ZNF296: variants seen among roughly 807,000 people sequenced by gnomAD.
ZNF296 encodes the protein zinc finger protein 342.
Under a neutral mutation model 13.2 loss-of-function variants are expected in ZNF296, and 1 was observed. The observed-to-expected ratio is 0.08, with a 90% confidence interval of 0.03 to 0.36. The LOEUF (loss-of-function observed/expected upper bound fraction) is 0.36, where lower values mean the gene tolerates loss of function less well. Among genes scored for constraint, ZNF296 ranks in the 10% least tolerant of loss-of-function variants. ZNF296 has a pLI of 0.99. For missense variants in ZNF296, 555 were observed against 688.2 expected (o/e 0.81, Z 2.16); for synonymous variants, 303 against 289.0 (o/e 1.05, Z -0.49).
chr19:45,073,011 C>T (rs1017508971), intron 2 of ZNF296, among the ~76,000 whole-genome samples: 1 of 152,178 alleles, frequency 6.6e-6, no homozygotes, highest in African/African-American at 2.4e-5. Context: ...CTCGGCCTCC[C>T]AAAGTGCTGG....
At chr19:45,074,409 A>C (rs1449305861) in intron 2 of ZNF296, among the ~76,000 whole-genome samples, 1 of 152,194 alleles carries the variant, frequency 6.6e-6, no homozygotes, top group African/African-American at 2.4e-5. Context: ...CCTAGTAAAG[A>C]GGTGGTAGTG....
intron 2 of ZNF296, 107 bp from the exon 3 acceptor site, chr19:45,072,687 C>A: frequency 7.3e-7 from 1 of 1,371,496 alleles, no homozygotes; most frequent in Non-Finnish European, 9.8e-7. Context: ...TAACAAGACA[C>A]ACACACCCTG....
In ZNF296 at chr19:45,076,263, C is replaced by A; in HGVS notation, c.111G>T (p.Glu37Asp). The A allele has an allele frequency of 6.7e-7, 1 of 1,499,230 alleles. No homozygotes were observed. The highest frequency in any genetic ancestry group is 8.9e-7 in the Non-Finnish European group (1 of 1,127,872). The allele number at this position is 1,499,230 out of a possible 1,614,324, so 92.9% of individuals were successfully genotyped here. A position where few individuals can be genotyped will look rare whatever the true frequency, so the allele number is the denominator to read the frequency against. The change falls in exon 1 of 3, where the codon GAG (glutamate) becomes GAT (aspartate). Residue 37 changes from glutamate (E) to aspartate (D), a missense_variant. Transcript: ENST00000303809. This position sits in a 1 kb window ranked among gnomAD's most constrained non-coding sequence, Gnocchi z 4.9. ...GGGCCTGTTGGGGCTGCGCGTCTGG[C>A]TCGGGCTTGAGTTCGATGACGAGGT... ...MQDLVIELKP[E>D]PDAQPQQAPR...
rs997193844 is a variant in ZNF296 at position 45,072,497 on chromosome 19, A to G, written c.532T>C (p.Trp178Arg). 5.6e-6 allele frequency: 9 copies of G among 1,613,572 alleles called. No individual in the cohort carries two copies. Among genetic ancestry groups the G allele is most frequent in the South Asian group, 1.1e-5 (1 of 91,092 alleles). ...VAWKLLRHAQWDHGLSIYQTE... is the reference protein window; with the variant it reads ...VAWKLLRHAQRDHGLSIYQTE... The stretch of plus-strand genomic sequence containing the variant: ...TGGTAGATGGACAGTCCGTGGTCCC[A>G]CTGGGCGTGACGCAGCAGCTTCCAG... The change falls in exon 3 of 3, where the codon TGG becomes CGG. Residue 178 changes from tryptophan to arginine, a missense_variant. Coordinates refer to ENST00000303809, the MANE Select transcript of ZNF296 (RefSeq NM_145288.3).
rs773089375 is a variant in ZNF296, at chr19:45,072,443, GCGGGGCCTC to G, written c.577_585del (p.Glu193_Pro195del). ...GCAGCCACCTCGGCCAGGCCCAGGA[GCGGGGCCTC>G]CGGGGCCTCTGATTCTGTCTGGTAG... is the stretch of plus-strand genomic sequence containing the variant. On this transcript the variant is annotated inframe_deletion, in exon 3 of 3. Coordinates refer to ENST00000303809, the MANE Select transcript of ZNF296 (RefSeq NM_145288.3). The G allele has an allele frequency of 5.0e-6, 8 of 1,612,830 alleles. No individual in the cohort carries two copies. The highest frequency in any genetic ancestry group is 4.4e-5 in the South Asian group (4 of 91,090).
chr19:45,075,678 A>G (rs1409755618), intron 2 of ZNF296, 35 bp downstream of exon 2: 2 of 1,606,338 alleles, frequency 1.2e-6, no homozygotes, highest in Non-Finnish European at 8.5e-7. Context: ...CCAGCCCTCG[A>G]ACTTGAGAGG....
chr19:45,073,542 A>G (rs572213693), intron 2 of ZNF296, among the ~76,000 whole-genome samples: 70 of 149,248 alleles, frequency 4.7e-4, no homozygotes, highest in Admixed American at 1.8e-3. Flanking sequence ...CGATCTCCTG[A>G]CCTCATGATC....
At chr19:45,072,640 G>A in intron 2 of ZNF296, 60 bp from the exon 3 acceptor site, 1 of 1,524,660 alleles carries the variant, frequency 6.6e-7, no homozygotes, top group South Asian at 1.3e-5. Flanking sequence ...CACCTTCTGT[G>A]GGATAGGCAC....
Position 45,072,302 on chromosome 19 carries a change from A to G in ZNF296, c.727T>C (p.Phe243Leu). 1 of 1,613,452 alleles carries G rather than the reference A, an allele frequency of 6.2e-7. No individual in the cohort carries two copies. Among genetic ancestry groups the G allele is most frequent in the South Asian group, 1.1e-5 (1 of 91,086 alleles). Residue 243 changes from phenylalanine (F) to leucine (L), a missense_variant, in exon 3 of 3, where the codon TTC becomes CTC. Phe to Leu is a conservative substitution (Grantham distance 22). Coordinates refer to ENST00000303809, the MANE Select transcript of ZNF296 (RefSeq NM_145288.3). ...CGCATGTGCACTTTGAGGTTGCTGA[A>G]GGAGCTGAGGGTCTTCTTGCACACA... ...CPVCKKTLSS[F>L]SNLKVHMRSH...
chr19:45,074,525 GA>G (rs1173304382), intron 2 of ZNF296, among the ~76,000 whole-genome samples: 1 of 152,136 alleles, frequency 6.6e-6, no homozygotes, highest in Admixed American at 6.5e-5. Context: ...CTTCCTAGGT[GA>G]ACTAGCCTTT....
At chr19:45,075,647 AGCC>A in intron 2 of ZNF296, 63 bp downstream of exon 2, 1 of 1,578,072 alleles carries the variant, frequency 6.3e-7, no homozygotes, top group South Asian at 1.1e-5. Context: ...CGTCCAGCCC[AGCC>A]CCTTTCCAGC....
At chr19:45,075,161 G>C (rs890832257) in intron 2 of ZNF296, among the ~76,000 whole-genome samples, 2 of 152,210 alleles carry the variant, frequency 1.3e-5, no homozygotes, top group Non-Finnish European at 2.9e-5. Context: ...CTCAAACCAG[G>C]GGATTCCCAG....
chr19:45,076,184 C>T lies in ZNF296; in HGVS notation c.190G>A (p.Gly64Ser), dbSNP rs1406684163. Residue 64 changes from glycine (G) to serine (S), a missense_variant, in exon 1 of 3, where the codon GGC becomes AGC. Physicochemically the swap from Gly to Ser is moderately conservative, Grantham distance 56 (BLOSUM62 0). Transcript: ENST00000303809. This position sits in a 1 kb window ranked among gnomAD's most constrained non-coding sequence, Gnocchi z 4.9. ...GGGCCAGGGGAGTGGTGGGGTTCGC[C>T]GCCGAACCGCCCCGCCGAGGACACC... ...KEVSSAGRFG[G>S]EPHHSPGPMP... is the part of the protein sequence containing the mutation. 6.7e-7 allele frequency: 1 copy of T among 1,500,592 alleles called. No homozygotes were observed. Among genetic ancestry groups the T allele is most frequent in the Non-Finnish European group, 8.9e-7 (1 of 1,127,964 alleles). The allele number at this position is 1,500,592 out of a possible 1,614,324, so 93.0% of individuals were successfully genotyped here. A position where few individuals can be genotyped will look rare whatever the true frequency, so the allele number is the denominator to read the frequency against.
Position 45,075,855 on chromosome 19 carries a change from C to T in ZNF296, c.306G>A (p.Gln102=), listed in dbSNP as rs767342315. 1.9e-6 allele frequency: 3 copies of T among 1,613,832 alleles called. No individual in the cohort carries two copies. The highest frequency in any genetic ancestry group is 2.5e-6 in the Non-Finnish European group (3 of 1,179,970). ...GATCTGGGTGTTTGTCGGTCCAGGG[C>T]TGGCGGTCTGCAGGGAGGAAGCGGG... is the stretch of plus-strand genomic sequence containing the variant. The part of the protein sequence containing the change: ...TPLTPNYPDR[Q]PWTDKHPDLL... Residue 102 remains glutamine, a synonymous_variant, in exon 2 of 3, where the codon CAG becomes CAA. Coordinates refer to ENST00000303809, the MANE Select transcript of ZNF296 (RefSeq NM_145288.3).
chr19:45,073,977 C>T (rs553617366), intron 2 of ZNF296, among the ~76,000 whole-genome samples: 1 of 146,080 alleles, frequency 6.8e-6, no homozygotes, highest in Non-Finnish European at 1.5e-5. Flanking sequence ...AGCCGAGATC[C>T]CACCACTGCA....
chr19:45,075,737 C>T lies in ZNF296; in HGVS notation c.424G>A (p.Gly142Ser). The T allele has an allele frequency of 6.2e-7, 1 of 1,614,118 alleles. No individual in the cohort carries two copies. The highest frequency in any genetic ancestry group is 8.5e-7 in the Non-Finnish European group (1 of 1,180,014). ...HKKLGCQLFR[G>S]PSRGQGSERE... ...CCTGAGCCCTGGCCGCGGCTGGGGC[C>T]TCTGAAGAGCTGACAGCCCAGCTTC... Residue 142 changes from glycine to serine, a missense_variant, in exon 2 of 3, where the codon GGC becomes AGC. This residue lies in a region of ZNF296 where 410 missense variants were observed against 548.0 expected (regional missense o/e 0.75). Coordinates refer to ENST00000303809, the MANE Select transcript of ZNF296 (RefSeq NM_145288.3).
In ZNF296 at chr19:45,071,893, C is replaced by T. The variant is rs201320112; in HGVS notation, c.1136G>A (p.Gly379Asp). 1 of 1,613,310 alleles carries T rather than the reference C, an allele frequency of 6.2e-7. No individual in the cohort carries two copies. Among genetic ancestry groups the T allele is most frequent in the East Asian group, 2.2e-5 (1 of 44,874 alleles). Residue 379 changes from glycine (G) to aspartate (D), a missense_variant, in exon 3 of 3, where the codon GGC becomes GAC. By Grantham distance (94) the Gly-to-Asp change is moderately conservative. Transcript: ENST00000303809. ...GCTGCCCCCGGGCCCGCGGCTCTTG[C>T]CCCCTGACTTGGGCATCTTTTTGGG... ...ASPKKMPKSG[G>D]KSRGPGGSCE...
At position 45,076,403 on chromosome 19, in the gene ZNF296, G is replaced by A. The variant is rs1452326759; in HGVS notation, c.-30C>T. On this transcript the variant is annotated 5_prime_UTR_variant, in exon 1 of 3. Transcript: ENST00000303809. This position sits in a 1 kb window ranked among gnomAD's most constrained non-coding sequence, Gnocchi z 4.9. ...CGCGGGCCGGGCGAGCGAGCGGGCG[G>A]GCAGGCAGGCAGGCGGGCGGGCGGA... 1.6e-5 allele frequency: 20 copies of A among 1,226,992 alleles called. No individual in the cohort carries two copies. Among genetic ancestry groups the A allele is most frequent in the East Asian group, 3.5e-5 (1 of 28,694 alleles). 76.0% of individuals were successfully genotyped at this position (1,226,992 alleles called of 1,614,324 possible).
chr19:45,073,387 T>C (rs1158460521), intron 2 of ZNF296, among the ~76,000 whole-genome samples: 1 of 148,754 alleles, frequency 6.7e-6, no homozygotes, highest in East Asian at 2.0e-4. Flanking sequence ...TTTTTTTTTT[T>C]TGAGACGGAG....
Sources: gnomAD v4.1 joint callset for allele counts (sites outside exome capture counted in the v4.1 genomes callset) on GRCh38, gnomAD v4.1.1 for gene constraint, gnomAD v4.1.1 regional missense constraint, Gnocchi (gnomAD v3.1) non-coding constraint, MANE v1.5 for transcripts, NCBI Gene and HGNC (gene_info 2026-07-23, HGNC 2026-07-21) for gene names.